The following GRIN2B variants were observed in gnomAD, a reference collection of about 807,000 sequenced individuals.
GRIN2B encodes glutamate ionotropic receptor NMDA type subunit 2B.
A neutral mutation model predicts 114.5 loss-of-function variants in GRIN2B; 5 were observed. That is an observed-to-expected ratio of 0.04 (90% CI 0.02 to 0.09). The LOEUF (loss-of-function observed/expected upper bound fraction) is 0.09, where lower values mean the gene tolerates loss of function less well. Among genes scored for constraint, GRIN2B ranks in the 10% least tolerant of loss-of-function variants. GRIN2B has a pLI of 1.00. For synonymous variants in GRIN2B, 787 were observed against 745.1 expected (o/e 1.06, Z -0.92); for missense variants, 1,108 against 1,943.5 (o/e 0.57, Z 8.08).
rs1250596546 is a variant in GRIN2B at position 13,544,806 on chromosome 12, A to T, written c.*17977T>A. On this transcript the variant is annotated 3_prime_UTR_variant, in exon 14 of 14. Transcript: ENST00000609686. ...CCCCTGCTAACATCATGGCCCAAGC[A>T]ACTATGATCTCTTACCAGGATTATT... 6.6e-6 allele frequency: 1 copy of T among 152,244 alleles called. No individual in the cohort carries two copies. Among genetic ancestry groups the T allele is most frequent in the African/African-American group, 2.4e-5 (1 of 41,474 alleles). 9.4% of individuals were successfully genotyped at this position (152,244 alleles called of 1,614,324 possible).
At chr12:13,572,931 C>T (rs1948724592) in intron 10 of GRIN2B, among the ~76,000 whole-genome samples, 1 of 152,198 alleles carries the variant, frequency 6.6e-6, no homozygotes, top group South Asian at 2.1e-4. Flanking sequence ...TAATCCTACA[C>T]ATGCAATTAC....
At chr12:13,632,741 G>A (rs1304845596) in intron 5 of GRIN2B, among the ~76,000 whole-genome samples, 5 of 151,602 alleles carry the variant, frequency 3.3e-5, no homozygotes, top group East Asian at 1.9e-4. Context: ...GGGATTCCAC[G>A]GGGAGGGAGG....
chr12:13,652,301 G>A (rs1175689479), intron 5 of GRIN2B, among the ~76,000 whole-genome samples: 1 of 151,934 alleles, frequency 6.6e-6, no homozygotes, highest in Non-Finnish European at 1.5e-5. Context: ...AGAGGTACAA[G>A]TAAACATGAG....
chr12:13,586,557 G>A (rs1259614486), intron 10 of GRIN2B, among the ~76,000 whole-genome samples: 3 of 152,246 alleles, frequency 2.0e-5, no homozygotes, highest in Non-Finnish European at 4.4e-5. Flanking sequence ...CACAGGAGCC[G>A]AGGAATAATC....
intron 5 of GRIN2B, among the ~76,000 whole-genome samples, chr12:13,663,732 C>A (rs1949946828): frequency 6.6e-6 from 1 of 152,110 alleles, no homozygotes; most frequent in Non-Finnish European, 1.5e-5. Flanking sequence ...TTTCTAGTTT[C>A]TTCCTGTTAG....
intron 12 of GRIN2B, among the ~76,000 whole-genome samples, chr12:13,568,880 A>G (rs918956219): frequency 1.3e-5 from 2 of 152,136 alleles, no homozygotes; most frequent in African/African-American, 4.8e-5. Context: ...TGCTGCCAGG[A>G]TGATACTGGG....
chr12:13,587,253 GT>G (rs1251004033), intron 10 of GRIN2B, among the ~76,000 whole-genome samples: 38 of 151,718 alleles, frequency 2.5e-4, no homozygotes, highest in African/African-American at 9.2e-4. Flanking sequence ...GGAAACCCTT[GT>G]CTTTAACAAT....
intron 2 of GRIN2B, among the ~76,000 whole-genome samples, chr12:13,971,448 A>C (rs1235663200): frequency 6.6e-6 from 1 of 152,152 alleles, no homozygotes; most frequent in Non-Finnish European, 1.5e-5. Flanking sequence ...TCAGTGATTA[A>C]AGTTACAGTC....
chr12:13,674,383 G>T (rs985887200), intron 5 of GRIN2B, among the ~76,000 whole-genome samples: 5 of 152,058 alleles, frequency 3.3e-5, no homozygotes, highest in African/African-American at 1.2e-4. Flanking sequence ...TAAATAAAAA[G>T]CTGGCATAAT....
chr12:13,755,572 C>A (rs764198372), intron 3 of GRIN2B, among the ~76,000 whole-genome samples: 13 of 151,936 alleles, frequency 8.6e-5, no homozygotes, highest in Non-Finnish European at 1.9e-4. Context: ...GGTGAGGCAC[C>A]AAGAATAGGT....
chr12:13,614,876 A>G (rs1179107954), intron 8 of GRIN2B, among the ~76,000 whole-genome samples: 1 of 152,156 alleles, frequency 6.6e-6, no homozygotes, highest in Non-Finnish European at 1.5e-5. Flanking sequence ...CCCTCTGAGG[A>G]CCAGCCCAGT....
chr12:13,892,848 T>C (rs774866064), intron 2 of GRIN2B, among the ~76,000 whole-genome samples: 1 of 152,174 alleles, frequency 6.6e-6, no homozygotes, highest in African/African-American at 2.4e-5. Flanking sequence ...ATATAAGATT[T>C]AAGAAACTGT....
intron 5 of GRIN2B, among the ~76,000 whole-genome samples, chr12:13,626,818 C>CCCCCCCCCCCCCCT (rs1649734494): frequency 1.6e-5 from 1 of 62,460 alleles, no homozygotes; most frequent in African/African-American, 6.7e-5. Context: ...CCCCTCCCCC[C>CCCCCCCCCCCCCCT]CACCCTCCCC....
At position 13,695,146 on chromosome 12, in the gene GRIN2B, C is replaced by G. The variant is rs566898488; in HGVS notation, c.1011-19287G>C. Among the ~76,000 whole-genome samples, 127 of 152,248 alleles carry G rather than the reference C, an allele frequency of 8.3e-4. 5 individuals carry two copies. In the South Asian group the frequency reaches 0.026, roughly 31 times the overall value. On this transcript the variant is annotated intron_variant, in intron 4 of 13. Coordinates refer to ENST00000609686, the MANE Select transcript of GRIN2B (RefSeq NM_000834.5). Reference sequence around the variant, plus strand: ...AAACTGATGTGAAAGAAGTCTTTGTCAAGAAAATAAAGGAATTTGTATTTT... The same window carrying G: ...AAACTGATGTGAAAGAAGTCTTTGTGAAGAAAATAAAGGAATTTGTATTTT...
At chr12:13,653,354 A>T (rs529164360) in intron 5 of GRIN2B, among the ~76,000 whole-genome samples, 1 of 152,118 alleles carries the variant, frequency 6.6e-6, no homozygotes, top group Non-Finnish European at 1.5e-5. Flanking sequence ...GGGGTTGGTC[A>T]TCTAAGTTGG....
intron 2 of GRIN2B, among the ~76,000 whole-genome samples, chr12:13,884,581 C>T (rs1866123489): frequency 1.3e-5 from 2 of 151,532 alleles, no homozygotes; most frequent in South Asian, 4.2e-4. Context: ...TTTTTTTCTC[C>T]TTCCTCTTCT....
chr12:13,690,365 TCTCTCTCTCA>T lies in GRIN2B; in HGVS notation c.1011-14516_1011-14507del. Among the ~76,000 whole-genome samples, 3 of 57,056 alleles carry T rather than the reference TCTCTCTCTCA, an allele frequency of 5.3e-5. No homozygotes were observed. The Admixed American group carries it at 8.1e-4, about 15-fold the overall frequency. 37.4% of individuals were successfully genotyped at this position (57,056 alleles called of 152,430 possible). ...AAATACTTTTTTTTGCCTCTCTCTC[TCTCTCTCTCA>T]CACACACACACACACACACATGCAA... On this transcript the variant is annotated intron_variant, in intron 4 of 13. Transcript: ENST00000609686.
At chr12:13,857,859 C>A (rs1382244913) in intron 3 of GRIN2B, among the ~76,000 whole-genome samples, 1 of 152,126 alleles carries the variant, frequency 6.6e-6, no homozygotes, top group South Asian at 2.1e-4. Flanking sequence ...AATCCAATAC[C>A]AACCCACTTC....
chr12:13,954,811 G>GAAAAAAAAAAAAA (rs61525874), intron 2 of GRIN2B, among the ~76,000 whole-genome samples: 421 of 25,492 alleles, frequency 0.017, 67 homozygotes, highest in Non-Finnish European at 0.025. Context: ...TCCGTCTCAG[G>GAAAAAAAAAAAAA]AAAAAAAAAA....
Sources: gnomAD v4.1 joint callset for allele counts (sites outside exome capture counted in the v4.1 genomes callset) on GRCh38, gnomAD v4.1.1 for gene constraint, MANE v1.5 for transcripts, NCBI Gene and HGNC (gene_info 2026-07-23, HGNC 2026-07-21) for gene names.